The following AIG1 variants were observed in gnomAD, a reference collection of about 807,000 sequenced individuals.
AIG1 encodes androgen induced 1.
AIG1 carries 23 observed loss-of-function variants against 31.4 expected under a neutral mutation model. The ratio of observed to expected loss-of-function variants is 0.73; its 90% CI spans 0.53 to 1.04. AIG1 has a LOEUF of 1.04. Among genes scored for constraint, AIG1 ranks in the 50% least tolerant of loss-of-function variants. The pLI is 0.00. For missense variants in AIG1, 274 were observed against 295.0 expected (o/e 0.93, Z 0.52); for synonymous variants, 100 against 110.5 (o/e 0.90, Z 0.60).
At chr6:143,226,985 C>CTTTTTTTT (rs11431811) in intron 3 of AIG1, among the ~76,000 whole-genome samples, 17 of 113,564 alleles carry the variant, frequency 1.5e-4, no homozygotes, top group Non-Finnish European at 2.2e-4. Flanking sequence ...GAGTTTTTGT[C>CTTTTTTTT]TTTTTTTTTT....
chr6:143,187,886 A>G (rs1240689259), intron 3 of AIG1: 1 of 1,385,844 alleles, frequency 7.2e-7, no homozygotes, highest in Non-Finnish European at 9.3e-7. Flanking sequence ...GTCAAAAATT[A>G]CCCCTTAATT....
chr6:143,229,445 G>A (rs2128630482), intron 3 of AIG1, among the ~76,000 whole-genome samples: 1 of 152,262 alleles, frequency 6.6e-6, no homozygotes, highest in East Asian at 1.9e-4. Context: ...AAACAGATAG[G>A]TGCAGCTTGT....
chr6:143,308,779 A>G (rs1775010270), intron 4 of AIG1, among the ~76,000 whole-genome samples: 1 of 152,176 alleles, frequency 6.6e-6, no homozygotes, highest in African/African-American at 2.4e-5. Flanking sequence ...ACCTGAAAAC[A>G]TTTATGAATG....
intron 3 of AIG1, among the ~76,000 whole-genome samples, chr6:143,200,299 A>G (rs1204809226): frequency 6.6e-6 from 1 of 152,164 alleles, no homozygotes. Context: ...GTTTTATTGG[A>G]GTAGAAAATG....
At position 143,327,368 on chromosome 6, in the gene AIG1, A is replaced by G. The variant is rs1405367293; in HGVS notation, c.516-5914A>G. 3.6e-6 allele frequency: 1 copy of G among 280,954 alleles called. No homozygotes were observed. 17.4% of individuals were successfully genotyped at this position (280,954 alleles called of 1,614,324 possible). ...TTGATGATACACCATCAACATTCAC[A>G]AGCGCGTCCATGGAGTGGGCTTCAA... is the stretch of plus-strand genomic sequence containing the variant. On this transcript the variant is annotated intron_variant, in intron 4 of 5. Transcript: ENST00000357847. This position sits in a 1 kb window ranked among gnomAD's most constrained non-coding sequence, Gnocchi z 5.3.
chr6:143,075,329 GT>G (rs980150231), intron 1 of AIG1, among the ~76,000 whole-genome samples: 2 of 150,952 alleles, frequency 1.3e-5, no homozygotes, highest in Non-Finnish European at 3.0e-5. Flanking sequence ...GTTTTGTTTT[GT>G]TTTTTGAGAA....
chr6:143,175,080 G>A (rs1030267081), intron 3 of AIG1, among the ~76,000 whole-genome samples: 11 of 152,108 alleles, frequency 7.2e-5, no homozygotes, highest in Admixed American at 6.6e-5. Flanking sequence ...TAGTTTTGCT[G>A]GATACAAAAT....
chr6:143,285,036 A>G (rs1457343788), intron 4 of AIG1, among the ~76,000 whole-genome samples: 3 of 152,034 alleles, frequency 2.0e-5, no homozygotes, highest in East Asian at 3.9e-4. Context: ...CTGGTTCACC[A>G]TCCCCTCCTT....
At chr6:143,223,237 A>T (rs1792671546) in intron 3 of AIG1, among the ~76,000 whole-genome samples, 1 of 152,198 alleles carries the variant, frequency 6.6e-6, no homozygotes, top group South Asian at 2.1e-4. Flanking sequence ...AGAGATGCAG[A>T]TTCTCACAAT....
intron 1 of AIG1, chr6:143,094,118 A>G (rs1779541334): frequency 6.6e-6 from 1 of 152,166 alleles, no homozygotes. Flanking sequence ...AAACAAAACT[A>G]CCCATCTGTG....
chr6:143,319,148 T>C (rs1775999072), intron 4 of AIG1, among the ~76,000 whole-genome samples: 1 of 152,040 alleles, frequency 6.6e-6, no homozygotes, highest in Admixed American at 6.6e-5. Context: ...GGAAAATAAG[T>C]CATTATATGA....
At chr6:143,228,857 G>A (rs1264030656) in intron 3 of AIG1, among the ~76,000 whole-genome samples, 1 of 152,116 alleles carries the variant, frequency 6.6e-6, no homozygotes, top group East Asian at 1.9e-4. Context: ...AGTATAAAAC[G>A]CCAACTCACT....
chr6:143,228,028 C>T (rs1004201961), intron 3 of AIG1, among the ~76,000 whole-genome samples: 2 of 152,170 alleles, frequency 1.3e-5, no homozygotes, highest in African/African-American at 4.8e-5. Flanking sequence ...ACTCTTTCTT[C>T]AAGTAACATC....
chr6:143,270,835 G>A (rs766376685), intron 3 of AIG1, among the ~76,000 whole-genome samples: 1 of 152,166 alleles, frequency 6.6e-6, no homozygotes, highest in African/African-American at 2.4e-5. Context: ...GGGTATGTGT[G>A]CTTGTGTGTG....
At position 143,075,527 on chromosome 6, in the gene AIG1, A is replaced by T. The variant is rs148170805; in HGVS notation, c.141+14461A>T. Among the ~76,000 whole-genome samples the T allele has an allele frequency of 2.8e-3, 425 of 152,208 alleles. 10 individuals are homozygous for T. The East Asian group carries it at 0.05, about 18-fold the overall frequency. On this transcript the variant is annotated intron_variant, in intron 1 of 5. Coordinates refer to ENST00000357847, the MANE Select transcript of AIG1 (RefSeq NM_016108.4). ...TGCCATGTTGCCCAGGTTGGTCTTGAACTCCTAGGCTCAAGCAATCCACCC... is the reference window on the plus strand; with the variant it reads ...TGCCATGTTGCCCAGGTTGGTCTTGTACTCCTAGGCTCAAGCAATCCACCC...
chr6:143,187,282 T>C, intron 3 of AIG1: 1 of 944,890 alleles, frequency 1.1e-6, no homozygotes, highest in Non-Finnish European at 1.6e-6. Flanking sequence ...TGGCTTAAAC[T>C]GAGAATTTGA....
At chr6:143,287,119 C>A (rs1797735363) in intron 4 of AIG1, among the ~76,000 whole-genome samples, 1 of 152,008 alleles carries the variant, frequency 6.6e-6, no homozygotes, top group African/African-American at 2.4e-5. Flanking sequence ...ACACCCCCCT[C>A]CATCATCAAC....
rs771911392 is a variant in AIG1 at position 143,061,217 on chromosome 6, T to C, written c.141+151T>C. 6.2e-6 allele frequency: 6 copies of C among 972,696 alleles called. No homozygotes were observed. In the South Asian group the frequency reaches 6.7e-5, roughly 11 times the overall value. The allele number at this position is 972,696 out of a possible 1,614,324, so 60.3% of individuals were successfully genotyped here. A position where few individuals can be genotyped will look rare whatever the true frequency, so the allele number is the denominator to read the frequency against. On this transcript the variant is annotated intron_variant, in intron 1 of 5. Transcript: ENST00000357847. Reference sequence around the variant, plus strand: ...CGTGTCCTCGCCTCTTCCCCAGTGATTGCGTGTGAAGGCCTGGCTGCCCCC... The same window carrying C: ...CGTGTCCTCGCCTCTTCCCCAGTGACTGCGTGTGAAGGCCTGGCTGCCCCC...
chr6:143,254,108 G>A (rs192410044), intron 3 of AIG1, among the ~76,000 whole-genome samples: 1 of 152,290 alleles, frequency 6.6e-6, no homozygotes, highest in East Asian at 1.9e-4. Context: ...CCTGCCTTTT[G>A]TGGGTCTGTT....
Sources: gnomAD v4.1 joint callset for allele counts (sites outside exome capture counted in the v4.1 genomes callset) on GRCh38, gnomAD v4.1.1 for gene constraint, Gnocchi (gnomAD v3.1) non-coding constraint, MANE v1.5 for transcripts, NCBI Gene and HGNC (gene_info 2026-07-23, HGNC 2026-07-21) for gene names.